Variants in ANO10 observed in about 807,000 individuals in gnomAD.
The protein encoded by ANO10 is anoctamin 10, also known as anoctamin-10.
A neutral mutation model predicts 74.7 loss-of-function variants in ANO10; 77 were observed. The ratio of observed to expected loss-of-function variants is 1.03; its 90% confidence interval spans 0.86 to 1.25. ANO10 has a LOEUF of 1.25. Ranked by LOEUF, ANO10 falls within the 50% of genes most tolerant of loss-of-function variation. ANO10 has a pLI of 0.00. For synonymous variants in ANO10, 279 were observed against 284.9 expected (o/e 0.98, Z 0.21); for missense variants, 721 against 778.1 (o/e 0.93, Z 0.87).
intron 1 of ANO10, among the ~76,000 whole-genome samples, chr3:43,620,653 C>G (rs1195438420): frequency 3.3e-5 from 5 of 152,184 alleles, no homozygotes; most frequent in Admixed American, 3.3e-4. Flanking sequence ...TGGCAGGCGC[C>G]TATAATCCCA....
At chr3:43,586,677 A>T (rs2081496949) in intron 4 of ANO10, among the ~76,000 whole-genome samples, 1 of 152,210 alleles carries the variant, frequency 6.6e-6, no homozygotes. Context: ...AACAGCAGAA[A>T]ATTATAGCAT....
chr3:43,558,450 G>A (rs375769561), intron 9 of ANO10, among the ~76,000 whole-genome samples: 5 of 152,238 alleles, frequency 3.3e-5, no homozygotes, highest in Admixed American at 1.3e-4. Context: ...CTGGGCTGGT[G>A]GAACAGCAAT....
chr3:43,686,922 A>C (rs998967698), intron 1 of ANO10, among the ~76,000 whole-genome samples: 4 of 152,180 alleles, frequency 2.6e-5, no homozygotes, highest in Non-Finnish European at 5.9e-5. Context: ...CCTCAGACCT[A>C]CAGAGTCAGA....
intron 11 of ANO10, among the ~76,000 whole-genome samples, chr3:43,488,894 A>T (rs113057846): frequency 0.021 from 3,161 of 152,146 alleles, 60 homozygotes; most frequent in South Asian, 0.069. Flanking sequence ...GGCATTATTC[A>T]CAATAGCAAA....
intron 11 of ANO10, among the ~76,000 whole-genome samples, chr3:43,466,491 A>G (rs1410354923): frequency 1.3e-5 from 2 of 152,088 alleles, no homozygotes; most frequent in African/African-American, 4.8e-5. Context: ...ATGAATGTAG[A>G]CAAGGTGCGA....
rs147403515 is a variant in ANO10, at chr3:43,606,186, C to G, written c.-11-323G>C. Reference sequence around the variant, plus strand: ...AAAGTATTTTCAAAGAATGTGACATCTGAACAGGATTCAGAGGAATGAGTA... The same window carrying G: ...AAAGTATTTTCAAAGAATGTGACATGTGAACAGGATTCAGAGGAATGAGTA... On this transcript the variant is annotated intron_variant, in intron 1 of 12. Coordinates refer to ENST00000292246, the MANE Select transcript of ANO10 (RefSeq NM_018075.5). Among the ~76,000 whole-genome samples, 117 of 152,310 alleles carry G rather than the reference C, an allele frequency of 7.7e-4. 1 individual carries two copies. Among genetic ancestry groups the G allele is most frequent in the African/African-American group, 2.7e-3 (111 of 41,558 alleles).
intron 11 of ANO10, among the ~76,000 whole-genome samples, chr3:43,537,498 T>C (rs952703115): frequency 5.3e-5 from 8 of 151,950 alleles, no homozygotes; most frequent in South Asian, 2.1e-4. Flanking sequence ...GGCCCAATGA[T>C]GACAGCTTGG....
intron 11 of ANO10, among the ~76,000 whole-genome samples, chr3:43,534,715 A>G (rs2078628277): frequency 6.6e-6 from 1 of 152,222 alleles, no homozygotes; most frequent in Non-Finnish European, 1.5e-5. Context: ...GCAGTGGAGC[A>G]TGACAGCTTG....
intron 12 of ANO10, among the ~76,000 whole-genome samples, chr3:43,413,051 C>A (rs964695130): frequency 2.0e-5 from 3 of 151,712 alleles, no homozygotes; most frequent in Admixed American, 6.6e-5. Flanking sequence ...GATTCCATTT[C>A]AAAAAAAATC....
intron 1 of ANO10, among the ~76,000 whole-genome samples, chr3:43,647,153 A>ATATGTGTGTGTGTGTG: frequency 7.0e-6 from 1 of 141,890 alleles, no homozygotes; most frequent in East Asian, 2.1e-4. Context: ...ATGTGTATAT[A>ATATGTGTGTGTGTGTG]TGTGTGTGTG....
intron 1 of ANO10, among the ~76,000 whole-genome samples, chr3:43,609,360 T>C (rs2082707445): frequency 6.6e-6 from 1 of 152,204 alleles, no homozygotes; most frequent in African/African-American, 2.4e-5. Context: ...TATTACAGAA[T>C]CTTCTGACCT....
At chr3:43,462,743 C>A (rs1022032235) in intron 11 of ANO10, among the ~76,000 whole-genome samples, 2 of 152,228 alleles carry the variant, frequency 1.3e-5, no homozygotes. Flanking sequence ...CCTCCCATCA[C>A]AGGCCAGGAG....
intron 4 of ANO10, 53 bp from the exon 5 acceptor site, chr3:43,580,525 G>T: frequency 6.2e-7 from 1 of 1,605,590 alleles, no homozygotes. Context: ...GATTGTGCAT[G>T]ATACGCTTCA....
At chr3:43,465,406 C>A (rs923489162) in intron 11 of ANO10, among the ~76,000 whole-genome samples, 1 of 152,074 alleles carries the variant, frequency 6.6e-6, no homozygotes, top group Admixed American at 6.5e-5. Flanking sequence ...AGCTGTAACA[C>A]AATGGTAAAT....
intron 11 of ANO10, among the ~76,000 whole-genome samples, chr3:43,520,689 G>A (rs1263223045): frequency 6.6e-6 from 1 of 152,082 alleles, no homozygotes; most frequent in East Asian, 1.9e-4. Context: ...GATTACTGTA[G>A]TTTTGAAATT....
At position 43,366,868 on chromosome 3, in the gene ANO10, A is replaced by G; in HGVS notation, c.*38T>C. ...ACCGTGGCAGGTGTGGCACAGACAC[A>G]GGCCTCTGCCAACAGGGCAGCTGGG... On this transcript the variant is annotated 3_prime_UTR_variant, in exon 13 of 13. Transcript: ENST00000292246. 6.5e-7 allele frequency: 1 copy of G among 1,548,638 alleles called. No homozygotes were observed. The highest frequency in any genetic ancestry group is 8.8e-7 in the Non-Finnish European group (1 of 1,141,658).
At chr3:43,534,635 C>A (rs1410865886) in intron 11 of ANO10, among the ~76,000 whole-genome samples, 2 of 152,198 alleles carry the variant, frequency 1.3e-5, no homozygotes, top group Non-Finnish European at 2.9e-5. Flanking sequence ...AGGGTGAAAG[C>A]CACCTCTCTG....
At chr3:43,455,023 A>T (rs781645264) in intron 11 of ANO10, among the ~76,000 whole-genome samples, 1 of 152,166 alleles carries the variant, frequency 6.6e-6, no homozygotes, top group Non-Finnish European at 1.5e-5. Flanking sequence ...CTGAGTGTGG[A>T]GGTGTCCCTC....
At chr3:43,676,900 C>T (rs774254955) in intron 1 of ANO10, among the ~76,000 whole-genome samples, 10 of 151,870 alleles carry the variant, frequency 6.6e-5, no homozygotes, top group Non-Finnish European at 1.3e-4. Context: ...AGTCAAGGCA[C>T]ACATCAGCCT....
Sources: allele counts gnomAD v4.1 joint callset (sites outside exome capture counted in the v4.1 genomes callset), GRCh38; gene constraint gnomAD v4.1.1; transcripts MANE v1.5; gene names NCBI Gene and HGNC (gene_info 2026-07-23, HGNC 2026-07-21).